MAST4: variants seen among roughly 807,000 people sequenced by gnomAD.
MAST4 encodes microtubule associated serine/threonine kinase family member 4, also known as microtubule-associated serine/threonine-protein kinase 4.
In MAST4, 89 loss-of-function variants were observed where a neutral mutation model predicts 162.7. The ratio of observed to expected loss-of-function variants is 0.55; its 90% CI spans 0.46 to 0.65. The LOEUF (loss-of-function observed/expected upper bound fraction) is 0.65. MAST4 is among the 30% of genes least tolerant of loss of function. The pLI, the probability that MAST4 is intolerant of heterozygous loss-of-function variation, is 0.00. For missense variants in MAST4, 3,153 were observed against 3,374.0 expected, an observed-to-expected ratio of 0.93 and a Z score of 1.62; for synonymous variants, 1,479 against 1,361.1, an observed-to-expected ratio of 1.09 and a Z score of -1.91.
At chr5:67,027,057 TG>T (rs1186897914) in intron 4 of MAST4, among the ~76,000 whole-genome samples, 1 of 151,944 alleles carries the variant, frequency 6.6e-6, no homozygotes, top group East Asian at 1.9e-4. Context: ...CAAGAACACA[TG>T]TTTATATAAT....
At chr5:66,666,708 G>A (rs1305616717) in intron 1 of MAST4, among the ~76,000 whole-genome samples, 1 of 152,158 alleles carries the variant, frequency 6.6e-6, no homozygotes, top group African/African-American at 2.4e-5. Context: ...TGATACTGAA[G>A]CCCCTATAAT....
chr5:66,969,169 A>G (rs34203944), intron 4 of MAST4, among the ~76,000 whole-genome samples: 187 of 152,324 alleles, frequency 1.2e-3, no homozygotes, highest in Middle Eastern at 3.4e-3. Context: ...TTGCAGCCAC[A>G]TTCTGTCTGT....
chr5:66,794,357 G>A (rs1479854989), intron 3 of MAST4, among the ~76,000 whole-genome samples: 1 of 152,192 alleles, frequency 6.6e-6, no homozygotes, highest in Non-Finnish European at 1.5e-5. Flanking sequence ...GGGGCTAATG[G>A]TTGTAATAAC....
intron 4 of MAST4, among the ~76,000 whole-genome samples, chr5:66,978,545 A>T (rs917623134): frequency 6.6e-6 from 1 of 152,236 alleles, no homozygotes; most frequent in African/African-American, 2.4e-5. Flanking sequence ...TATGAATGCT[A>T]CATGAGTGGT....
At chr5:67,078,784 AT>A (rs1004221064) in intron 5 of MAST4, among the ~76,000 whole-genome samples, 1 of 130,656 alleles carries the variant, frequency 7.7e-6, no homozygotes, top group Non-Finnish European at 1.6e-5. Flanking sequence ...ATTTATTTAT[AT>A]TTATCTAAAT....
At chr5:67,049,080 C>CGTGTATATATATAT (rs1757854748) in intron 4 of MAST4, among the ~76,000 whole-genome samples, 3 of 82,912 alleles carry the variant, frequency 3.6e-5, no homozygotes, top group African/African-American at 5.3e-5. Flanking sequence ...TATATATATA[C>CGTGTATATATATAT]ACTACCATAC....
intron 1 of MAST4, among the ~76,000 whole-genome samples, chr5:66,621,156 T>A (rs891916613): frequency 6.6e-6 from 1 of 152,084 alleles, no homozygotes; most frequent in Non-Finnish European, 1.5e-5. Flanking sequence ...AAGTCGGAGA[T>A]TTACATAAAT....
At chr5:66,986,121 A>T (rs918484330) in intron 4 of MAST4, among the ~76,000 whole-genome samples, 1 of 152,172 alleles carries the variant, frequency 6.6e-6, no homozygotes, top group Non-Finnish European at 1.5e-5. Context: ...GTCTAATTCC[A>T]TTTCACCAGG....
rs539687066 is a variant in MAST4 at position 66,789,775 on chromosome 5, A to G, written c.642+981A>G. The G allele has an allele frequency of 9.6e-6, 5 of 518,640 alleles. No individual in the cohort carries two copies. The East Asian group carries it at 2.2e-4, about 23-fold the overall frequency. 32.1% of individuals were successfully genotyped at this position (518,640 alleles called of 1,614,324 possible). The stretch of plus-strand genomic sequence containing the variant: ...ACAATCTATGAGCAACCTGGGAGGT[A>G]CTTTTAAGCAATGCAAATACGCTTT... On this transcript the variant is annotated intron_variant, in intron 3 of 28. Transcript: ENST00000403625.
chr5:67,056,907 T>G (rs931234917), intron 5 of MAST4, among the ~76,000 whole-genome samples: 26 of 152,248 alleles, frequency 1.7e-4, no homozygotes, highest in African/African-American at 5.8e-4. Context: ...TTCGCCCTGT[T>G]GGCCAGGCTG....
intron 12 of MAST4, among the ~76,000 whole-genome samples, chr5:67,115,266 G>T (rs1008448401): frequency 1.3e-5 from 2 of 151,936 alleles, no homozygotes; most frequent in Non-Finnish European, 2.9e-5. Context: ...AACTATCCTT[G>T]ACTCCTTCAT....
intron 1 of MAST4, among the ~76,000 whole-genome samples, chr5:66,703,146 G>T (rs1484831970): frequency 6.6e-6 from 1 of 152,092 alleles, no homozygotes. Context: ...TTCCTCATGT[G>T]GGGAGGGGAG....
At chr5:66,720,639 G>C (rs185391410) in intron 1 of MAST4, among the ~76,000 whole-genome samples, 1 of 151,716 alleles carries the variant, frequency 6.6e-6, no homozygotes, top group African/African-American at 2.4e-5. Flanking sequence ...GTATTTTATT[G>C]ATCTTTTCAA....
intron 4 of MAST4, among the ~76,000 whole-genome samples, chr5:67,034,967 G>A (rs1269592843): frequency 1.3e-5 from 2 of 152,160 alleles, no homozygotes; most frequent in Non-Finnish European, 2.9e-5. Flanking sequence ...TGCTGGTTTA[G>A]AGTGAACCAT....
chr5:66,695,280 C>G (rs1186751767), intron 1 of MAST4, among the ~76,000 whole-genome samples: 1 of 152,096 alleles, frequency 6.6e-6, no homozygotes, highest in African/African-American at 2.4e-5. Context: ...GAATCCTTTC[C>G]CCATTGCTTG....
intron 2 of MAST4, among the ~76,000 whole-genome samples, chr5:66,774,994 C>CGTGT (rs1561322079): frequency 7.8e-5 from 8 of 102,124 alleles, no homozygotes; most frequent in African/African-American, 3.1e-4. Flanking sequence ...ATATCCTTTT[C>CGTGT]CTGTGTGTGT....
rs372961550 is a variant in MAST4, at chr5:66,722,865, C to T, written c.364-36844C>T. Among the ~76,000 whole-genome samples the T allele has an allele frequency of 6.6e-5, 10 of 152,184 alleles. No homozygotes were observed. In the East Asian group the frequency reaches 1.9e-3, roughly 29 times the overall value. ...AGAGATACCCTCCTTACTTCCGAGT[C>T]AGAGTCTAAGGCGGAGAACGGGACA... On this transcript the variant is annotated intron_variant, in intron 1 of 28. Transcript: ENST00000403625.
chr5:66,879,294 A>G (rs796415115), intron 3 of MAST4, among the ~76,000 whole-genome samples: 12 of 151,612 alleles, frequency 7.9e-5, no homozygotes, highest in African/African-American at 2.9e-4. Context: ...AAAAGTACAA[A>G]TTAAAAATTG....
intron 27 of MAST4, 76 bp downstream of exon 27, chr5:67,160,668 T>C: frequency 6.8e-7 from 1 of 1,468,254 alleles, no homozygotes; most frequent in South Asian, 1.4e-5. Context: ...ATTAAATGCT[T>C]ATATATGAAG....
Sources: gnomAD v4.1 joint callset for allele counts (sites outside exome capture counted in the v4.1 genomes callset) on GRCh38, gnomAD v4.1.1 for gene constraint, MANE v1.5 for transcripts, NCBI Gene and HGNC (gene_info 2026-07-23, HGNC 2026-07-21) for gene names.